The following RSBN1 variants were observed in gnomAD, a reference collection of about 807,000 sequenced individuals.
RSBN1 encodes the protein lysine-specific demethylase 9.
A neutral mutation model predicts 74.8 loss-of-function variants in RSBN1; 23 were observed. The ratio of observed to expected loss-of-function variants is 0.31; its 90% CI spans 0.22 to 0.44. RSBN1 has a LOEUF of 0.44. Among genes scored for constraint, RSBN1 ranks in the 20% least tolerant of loss-of-function variants. The pLI, the probability that RSBN1 is intolerant of heterozygous loss-of-function variation, is 1.00. For missense variants in RSBN1, 808 were observed against 1,020.9 expected, an observed-to-expected ratio of 0.79 and a Z score of 2.84; for synonymous variants, 407 against 379.6, an observed-to-expected ratio of 1.07 and a Z score of -0.84.
At chr1:113,777,132 T>C in intron 4 of RSBN1, 78 bp downstream of exon 4, 6 of 1,371,170 alleles carry the variant, frequency 4.4e-6, no homozygotes, top group Non-Finnish European at 1.0e-6. Flanking sequence ...GACAAATGGT[T>C]TTCAAACTGT....
rs776113007 is a variant in RSBN1 at position 113,766,323 on chromosome 1, A to G, written c.2066T>C (p.Val689Ala). The change falls in exon 7 of 7, where the codon GTT becomes GCT. Residue 689 changes from valine (V) to alanine (A), a missense_variant. Val to Ala is a moderately conservative substitution (Grantham distance 64). This residue lies in a region of RSBN1 where 38 missense variants were observed against 120.6 expected (regional missense o/e 0.32). Coordinates refer to ENST00000261441, the MANE Select transcript of RSBN1 (RefSeq NM_018364.5). ...CCAGGCTAAGCTGCACACCGCCGAAACTGTTTTGAACTGATGAATGACATT... is the reference window on the plus strand; with the variant it reads ...CCAGGCTAAGCTGCACACCGCCGAAGCTGTTTTGAACTGATGAATGACATT... The part of the protein sequence containing the change: ...PRNVIHQFKT[V>A]SAVCSLAWHI... 1.9e-6 allele frequency: 3 copies of G among 1,614,100 alleles called. No homozygotes were observed. The highest frequency in any genetic ancestry group is 2.2e-5 in the East Asian group (1 of 44,884).
chr1:113,773,840 T>A (rs928399988), intron 4 of RSBN1, among the ~76,000 whole-genome samples: 2 of 151,722 alleles, frequency 1.3e-5, no homozygotes, highest in African/African-American at 4.8e-5. Flanking sequence ...CCGTCTCTAC[T>A]AAAAATACAA....
intron 4 of RSBN1, among the ~76,000 whole-genome samples, chr1:113,772,919 T>A (rs1432544176): frequency 5.3e-5 from 8 of 152,230 alleles, no homozygotes; most frequent in Non-Finnish European, 1.0e-4. Context: ...ACAGAAGTAC[T>A]AAGAGAAAAT....
intron 2 of RSBN1, among the ~76,000 whole-genome samples, chr1:113,789,620 T>C (rs1412909644): frequency 6.6e-6 from 1 of 152,236 alleles, no homozygotes; most frequent in South Asian, 2.1e-4. Context: ...AGGCCAGTCC[T>C]GGGGACTGAG....
intron 4 of RSBN1, among the ~76,000 whole-genome samples, chr1:113,772,949 C>T (rs1659911468): frequency 6.6e-6 from 1 of 151,922 alleles, no homozygotes; most frequent in Non-Finnish European, 1.5e-5. Context: ...TATTTTATAA[C>T]ACTGAATAAA....
At chr1:113,775,069 G>A (rs574087564) in intron 4 of RSBN1, among the ~76,000 whole-genome samples, 295 of 150,620 alleles carry the variant, frequency 2.0e-3, no homozygotes, top group Non-Finnish European at 3.5e-3. Flanking sequence ...TTGTCCCCCA[G>A]GCTTGAGTGG....
intron 6 of RSBN1, among the ~76,000 whole-genome samples, chr1:113,766,711 C>T (rs1659787362): frequency 6.6e-6 from 1 of 152,146 alleles, no homozygotes; most frequent in Non-Finnish European, 1.5e-5. Context: ...TTAAGTATTT[C>T]AAAGTACAGC....
chr1:113,806,984 G>A (rs1660713366), intron 1 of RSBN1, among the ~76,000 whole-genome samples: 1 of 151,932 alleles, frequency 6.6e-6, no homozygotes, highest in Non-Finnish European at 1.5e-5. Context: ...CTGTGCTGCA[G>A]CCTGGGTAAC....
chr1:113,780,932 C>T (rs527810321), intron 2 of RSBN1, among the ~76,000 whole-genome samples: 176 of 152,308 alleles, frequency 1.2e-3, no homozygotes, highest in African/African-American at 3.8e-3. Flanking sequence ...AATTAGACCT[C>T]TAGCTTTCTG....
intron 1 of RSBN1, among the ~76,000 whole-genome samples, chr1:113,800,102 G>A (rs1248443984): frequency 6.6e-6 from 1 of 152,038 alleles, no homozygotes; most frequent in Non-Finnish European, 1.5e-5. Context: ...ATCACTTCAA[G>A]TCAATTAGCT....
At chr1:113,797,295 G>T in intron 2 of RSBN1, 68 bp downstream of exon 2, 2 of 1,257,886 alleles carry the variant, frequency 1.6e-6, no homozygotes, top group Non-Finnish European at 2.2e-6. Context: ...TATGTGCTGT[G>T]CGACAGAAAG....
Position 113,761,876 on chromosome 1 carries a change from GAAAA to G in RSBN1, c.*4100_*4103del, listed in dbSNP as rs796955403. On this transcript the variant is annotated 3_prime_UTR_variant, in exon 7 of 7. Transcript: ENST00000261441. ...TTTTTATTAAAAAAATACTTTACAG[GAAAA>G]AAAAAAACTATGCATTCCATTGTCC... The G allele has an allele frequency of 9.7e-5, 14 of 143,600 alleles. No individual in the cohort carries two copies. The highest frequency in any genetic ancestry group is 2.2e-4 in the South Asian group (1 of 4,552). 8.9% of individuals were successfully genotyped at this position (143,600 alleles called of 1,614,324 possible).
At chr1:113,807,668 G>C (rs899887917) in intron 1 of RSBN1, among the ~76,000 whole-genome samples, 1 of 151,868 alleles carries the variant, frequency 6.6e-6, no homozygotes, top group Non-Finnish European at 1.5e-5. Flanking sequence ...GGCTGAGGCA[G>C]GAGAATCGCT....
At chr1:113,795,017 T>C (rs1248287056) in intron 2 of RSBN1, among the ~76,000 whole-genome samples, 9 of 152,234 alleles carry the variant, frequency 5.9e-5, no homozygotes, top group Admixed American at 5.9e-4. Context: ...CTTCATAAAA[T>C]GTCAAAAGAC....
rs1659686272 is a variant in RSBN1 at position 113,761,935 on chromosome 1, AAC to A, written c.*4043_*4044del. On this transcript the variant is annotated 3_prime_UTR_variant, in exon 7 of 7. Transcript: ENST00000261441. ...TTACAAAGAAATAGCTTAACAATTT[AAC>A]ACACTTAGACAGCTACAAAAAAGCA... 3.3e-5 allele frequency: 5 copies of A among 152,852 alleles called. No individual in the cohort carries two copies. The South Asian group carries it at 1.0e-3, about 32-fold the overall frequency. The allele number at this position is 152,852 out of a possible 1,614,324, so 9.5% of individuals were successfully genotyped here. A position where few individuals can be genotyped will look rare whatever the true frequency, so the allele number is the denominator to read the frequency against.
At chr1:113,796,775 C>A (rs985913479) in intron 2 of RSBN1, among the ~76,000 whole-genome samples, 1 of 152,216 alleles carries the variant, frequency 6.6e-6, no homozygotes, top group Admixed American at 6.5e-5. Flanking sequence ...AAGAAGCAGA[C>A]GTTTCCCTGC....
chr1:113,788,923 C>T (rs1184004146), intron 2 of RSBN1, among the ~76,000 whole-genome samples: 1 of 151,780 alleles, frequency 6.6e-6, no homozygotes, highest in Non-Finnish European at 1.5e-5. Context: ...TACTGTAACA[C>T]CATAATATTA....
intron 1 of RSBN1, among the ~76,000 whole-genome samples, chr1:113,802,052 T>C (rs1053660940): frequency 6.6e-6 from 1 of 152,010 alleles, no homozygotes; most frequent in African/African-American, 2.4e-5. Flanking sequence ...CCTCCCAAGT[T>C]CAAGTGATTC....
Position 113,765,688 on chromosome 1 carries a change from C to G in RSBN1, c.*292G>C. ...ATTTACCAAACAAGAATCTGTTATT[C>G]CAGAGAATTCTCATTTTGATTTGAA... On this transcript the variant is annotated 3_prime_UTR_variant, in exon 7 of 7. Transcript: ENST00000261441. 3.6e-6 allele frequency: 1 copy of G among 277,360 alleles called. No individual in the cohort carries two copies. The highest frequency in any genetic ancestry group is 6.8e-6 in the Non-Finnish European group (1 of 146,198). The allele number at this position is 277,360 out of a possible 1,614,324, so 17.2% of individuals were successfully genotyped here.
Sources: gnomAD v4.1 joint callset for allele counts (sites outside exome capture counted in the v4.1 genomes callset) on GRCh38, gnomAD v4.1.1 for gene constraint, gnomAD v4.1.1 regional missense constraint, MANE v1.5 for transcripts, NCBI Gene and HGNC (gene_info 2026-07-23, HGNC 2026-07-21) for gene names.